Variants in KCNH7 observed in about 807,000 individuals in gnomAD.
KCNH7 encodes the protein potassium voltage-gated channel subfamily H member 7, also known as voltage-gated inwardly rectifying potassium channel KCNH7.
In KCNH7, 49 loss-of-function variants were observed where a neutral mutation model predicts 120.8. The ratio of observed to expected loss-of-function variants is 0.41; its 90% CI spans 0.32 to 0.51. The LOEUF (loss-of-function observed/expected upper bound fraction) is 0.51, where lower values mean the gene tolerates loss of function less well. Ranked by LOEUF, KCNH7 falls within the 20% of genes least tolerant of loss-of-function variation. The pLI, the probability that KCNH7 is intolerant of heterozygous loss-of-function variation, is 0.38. For synonymous variants in KCNH7, 547 were observed against 516.1 expected (o/e 1.06, Z -0.81); for missense variants, 1,097 against 1,446.6 (o/e 0.76, Z 3.92).
chr2:162,779,535 C>T (rs906879246), intron 2 of KCNH7, among the ~76,000 whole-genome samples: 10 of 152,224 alleles, frequency 6.6e-5, no homozygotes, highest in Admixed American at 6.5e-4. Flanking sequence ...TACGCGTGCA[C>T]ACAATATTAT....
intron 2 of KCNH7, among the ~76,000 whole-genome samples, chr2:162,725,014 G>GAGA (rs1292242519): frequency 6.6e-6 from 1 of 152,186 alleles, no homozygotes; most frequent in African/African-American, 2.4e-5. Flanking sequence ...GCTTGCTGAT[G>GAGA]AGAATATTTC....
chr2:162,604,283 T>C (rs1189284342), intron 2 of KCNH7, among the ~76,000 whole-genome samples: 1 of 152,160 alleles, frequency 6.6e-6, no homozygotes, highest in Non-Finnish European at 1.5e-5. Flanking sequence ...CTAGAAATTC[T>C]ACTCTTTGTG....
chr2:162,536,989 C>T lies in KCNH7; in HGVS notation c.399G>A (p.Thr133=), dbSNP rs761222138. 6.2e-6 allele frequency: 10 copies of T among 1,612,528 alleles called. No individual in the cohort carries two copies. Among genetic ancestry groups the T allele is most frequent in the African/African-American group, 4.0e-5 (3 of 74,774 alleles). The change falls in exon 3 of 16, where the codon ACG becomes ACA. Residue 133 remains threonine, a synonymous_variant. Coordinates refer to ENST00000332142, the MANE Select transcript of KCNH7 (RefSeq NM_033272.4). ...CTGGGGTGGCAGCGTTTTCATTATC[C>T]GTCACATATTCAAAATTAATGATGA... The part of the protein sequence containing the change: ...MMFIINFEYV[T]DNENAATPER...
rs747212283 is a variant in KCNH7, at chr2:162,372,103, A to C, written c.3325-8T>G. On this transcript the variant is annotated splice_polypyrimidine_tract_variant and splice_region_variant and intron_variant, in intron 15 of 15. Coordinates refer to ENST00000332142, the MANE Select transcript of KCNH7 (RefSeq NM_033272.4). ...GTCTAGAAATTCAGGACACTGATGG[A>C]AAAAGAACAAAACAAGTTTTTATAA... 1.9e-6 allele frequency: 3 copies of C among 1,597,494 alleles called. No individual in the cohort carries two copies. The highest frequency in any genetic ancestry group is 4.5e-5 in the East Asian group (2 of 44,592).
intron 3 of KCNH7, among the ~76,000 whole-genome samples, chr2:162,524,841 C>T (rs1357998083): frequency 6.6e-6 from 1 of 151,922 alleles, no homozygotes; most frequent in Non-Finnish European, 1.5e-5. Flanking sequence ...TACTCCTACT[C>T]CTACATATGT....
intron 2 of KCNH7, among the ~76,000 whole-genome samples, chr2:162,654,619 C>T (rs563349487): frequency 6.6e-6 from 1 of 152,072 alleles, no homozygotes; most frequent in Admixed American, 6.5e-5. Flanking sequence ...GTAGAATGAC[C>T]ATATGATCTA....
At chr2:162,742,654 T>G (rs952252025) in intron 2 of KCNH7, among the ~76,000 whole-genome samples, 1 of 152,206 alleles carries the variant, frequency 6.6e-6, no homozygotes, top group African/African-American at 2.4e-5. Flanking sequence ...AGTACAGATA[T>G]TTTCACTTTA....
At chr2:162,699,361 T>C (rs1686408474) in intron 2 of KCNH7, among the ~76,000 whole-genome samples, 2 of 152,162 alleles carry the variant, frequency 1.3e-5, no homozygotes, top group South Asian at 4.1e-4. Flanking sequence ...GATTTCCTTT[T>C]TTAATGGCTG....
intron 2 of KCNH7, among the ~76,000 whole-genome samples, chr2:162,609,981 C>T (rs968113131): frequency 1.3e-5 from 2 of 152,170 alleles, no homozygotes; most frequent in African/African-American, 4.8e-5. Flanking sequence ...TTCTAAGCTA[C>T]CTTTAGGAGA....
chr2:162,477,355 G>A (rs968789899), intron 6 of KCNH7, among the ~76,000 whole-genome samples: 1 of 152,192 alleles, frequency 6.6e-6, no homozygotes, highest in Non-Finnish European at 1.5e-5. Flanking sequence ...AAGACCCAGG[G>A]CTTCTGGAGC....
At chr2:162,514,051 A>G (rs1418445866) in intron 4 of KCNH7, among the ~76,000 whole-genome samples, 3 of 151,828 alleles carry the variant, frequency 2.0e-5, no homozygotes, top group Non-Finnish European at 2.9e-5. Flanking sequence ...ATTCAAATAT[A>G]TCCAAGATTT....
At chr2:162,452,925 C>CCT (rs991837925) in intron 6 of KCNH7, among the ~76,000 whole-genome samples, 2 of 151,276 alleles carry the variant, frequency 1.3e-5, no homozygotes, top group African/African-American at 2.4e-5. Context: ...TTAAAAGTTT[C>CCT]CTCTCTCTCT....
intron 2 of KCNH7, among the ~76,000 whole-genome samples, chr2:162,791,411 C>G (rs1464248925): frequency 1.3e-5 from 2 of 151,950 alleles, no homozygotes; most frequent in African/African-American, 4.8e-5. Flanking sequence ...TCTTCTTATC[C>G]ATGAGCACAA....
intron 2 of KCNH7, among the ~76,000 whole-genome samples, chr2:162,632,680 G>T (rs13415394): frequency 8.6e-5 from 13 of 151,688 alleles, no homozygotes; most frequent in African/African-American, 3.1e-4. Flanking sequence ...TCCAGAAAAA[G>T]ACCTATAAAT....
intron 2 of KCNH7, among the ~76,000 whole-genome samples, chr2:162,693,162 G>A (rs1338657206): frequency 1.3e-5 from 2 of 152,114 alleles, no homozygotes; most frequent in East Asian, 1.9e-4. Context: ...ATTTGTTAGA[G>A]GTCTTTTACT....
chr2:162,577,413 C>G (rs1400361903), intron 2 of KCNH7, among the ~76,000 whole-genome samples: 1 of 150,248 alleles, frequency 6.7e-6, no homozygotes, highest in Non-Finnish European at 1.5e-5. Context: ...ATCTATCTAT[C>G]TATTCATAGG....
intron 9 of KCNH7, among the ~76,000 whole-genome samples, chr2:162,418,214 T>C (rs1415016597): frequency 1.3e-5 from 2 of 152,168 alleles, no homozygotes; most frequent in Non-Finnish European, 2.9e-5. Context: ...CCAAAAGGTG[T>C]TGCCAGTCCT....
chr2:162,694,817 C>A (rs1260862002), intron 2 of KCNH7, among the ~76,000 whole-genome samples: 3 of 151,578 alleles, frequency 2.0e-5, no homozygotes, highest in African/African-American at 7.3e-5. Flanking sequence ...GATCTCGGGT[C>A]ACTGAAACCT....
intron 12 of KCNH7, among the ~76,000 whole-genome samples, chr2:162,386,376 T>C (rs1013150720): frequency 1.3e-4 from 20 of 151,936 alleles, no homozygotes; most frequent in Admixed American, 7.2e-4. Context: ...GAAAATTTGA[T>C]CAACATTCTC....
Sources: allele counts gnomAD v4.1 joint callset (sites outside exome capture counted in the v4.1 genomes callset), GRCh38; gene constraint gnomAD v4.1.1; transcripts MANE v1.5; gene names NCBI Gene and HGNC (gene_info 2026-07-23, HGNC 2026-07-21).